MED20: variants seen among roughly 807,000 people sequenced by gnomAD.
MED20 encodes the protein mediator complex subunit 20.
MED20 carries 19 observed loss-of-function variants against 19.7 expected under a neutral mutation model. That is an observed-to-expected ratio of 0.96 (90% CI 0.67 to 1.42). The LOEUF is 1.42. Among genes scored for constraint, MED20 ranks in the 40% most tolerant of loss-of-function variants. The pLI is 0.00. For synonymous variants in MED20, 105 were observed against 104.8 expected, an observed-to-expected ratio of 1.00 and a Z score of -0.01; for missense variants, 225 against 273.0, an observed-to-expected ratio of 0.82 and a Z score of 1.24.
At chr6:41,918,441 T>C (rs1017622828) in intron 1 of MED20, among the ~76,000 whole-genome samples, 7 of 147,222 alleles carry the variant, frequency 4.8e-5, no homozygotes, top group Non-Finnish European at 1.0e-4. Context: ...GAGGCGGAGG[T>C]TGCAGTGAGC....
chr6:41,911,296 G>A (rs1401688696), intron 2 of MED20, among the ~76,000 whole-genome samples: 1 of 151,642 alleles, frequency 6.6e-6, no homozygotes, highest in South Asian at 2.1e-4. Context: ...GATTATAGGT[G>A]TGAGCCACCA....
chr6:41,910,135 G>A (rs1036981575), intron 2 of MED20, among the ~76,000 whole-genome samples: 9 of 152,234 alleles, frequency 5.9e-5, no homozygotes, highest in Admixed American at 3.3e-4. Flanking sequence ...ATGGCAAACC[G>A]TTGGAGAATT....
chr6:41,908,555 T>C (rs1775111809), intron 3 of MED20, among the ~76,000 whole-genome samples: 1 of 152,188 alleles, frequency 6.6e-6, no homozygotes, highest in Admixed American at 6.5e-5. Context: ...TCTTAAAGCA[T>C]ACTAAGGAAA....
chr6:41,915,869 A>C (rs1336572073), intron 2 of MED20, among the ~76,000 whole-genome samples: 1 of 152,156 alleles, frequency 6.6e-6, no homozygotes. Flanking sequence ...TTTTGGTGAT[A>C]GTATCATAGG....
At chr6:41,911,024 G>A (rs1007555214) in intron 2 of MED20, among the ~76,000 whole-genome samples, 6 of 150,054 alleles carry the variant, frequency 4.0e-5, no homozygotes, top group South Asian at 2.1e-4. Flanking sequence ...CAGGAGAAGC[G>A]CTTGAACCCA....
chr6:41,912,647 G>A (rs538757512), intron 2 of MED20, among the ~76,000 whole-genome samples: 3 of 152,088 alleles, frequency 2.0e-5, no homozygotes, highest in African/African-American at 2.4e-5. Context: ...ATGAGCCACC[G>A]CGCCCAGACG....
intron 2 of MED20, among the ~76,000 whole-genome samples, chr6:41,914,653 A>G (rs1382153511): frequency 1.3e-5 from 2 of 151,898 alleles, no homozygotes; most frequent in African/African-American, 4.8e-5. Context: ...CAGGAGTTAG[A>G]GCTTGCAGTG....
At chr6:41,909,849 CCA>C (rs1192984005) in intron 2 of MED20, among the ~76,000 whole-genome samples, 1 of 152,140 alleles carries the variant, frequency 6.6e-6, no homozygotes, top group Non-Finnish European at 1.5e-5. Flanking sequence ...AGTCTAACTC[CCA>C]CAGACTTTAC....
intron 2 of MED20, among the ~76,000 whole-genome samples, chr6:41,916,346 G>A (rs752123563): frequency 1.4e-4 from 21 of 152,148 alleles, no homozygotes; most frequent in Non-Finnish European, 2.8e-4. Flanking sequence ...TTGGGAGGCC[G>A]AGGTGGGCAG....
chr6:41,917,636 G>C, intron 1 of MED20: 1 of 399,048 alleles, frequency 2.5e-6, no homozygotes, highest in African/African-American at 2.1e-5. Context: ...TCCTATCACA[G>C]GGCGTTCTCA....
chr6:41,912,044 CCTTTT>C (rs1346527626), intron 2 of MED20, among the ~76,000 whole-genome samples: 24 of 150,616 alleles, frequency 1.6e-4, no homozygotes, highest in South Asian at 2.1e-4. Context: ...ATAACATTTT[CCTTTT>C]CTTCTTTTTT....
chr6:41,917,047 G>T, intron 1 of MED20, 108 bp from the exon 2 acceptor site: 1 of 1,168,166 alleles, frequency 8.6e-7, no homozygotes, highest in Non-Finnish European at 1.2e-6. Context: ...AAGTTATCTT[G>T]GAAATTACCT....
intron 2 of MED20, among the ~76,000 whole-genome samples, chr6:41,909,930 A>C (rs1242082948): frequency 1.3e-5 from 2 of 152,180 alleles, no homozygotes; most frequent in Admixed American, 6.5e-5. Flanking sequence ...GGGCATGCCA[A>C]AGGAAGTAGC....
intron 2 of MED20, among the ~76,000 whole-genome samples, chr6:41,914,305 G>C (rs193296351): frequency 6.6e-6 from 1 of 152,200 alleles, no homozygotes; most frequent in Non-Finnish European, 1.5e-5. Context: ...GGAACACTGT[G>C]GGCTTCCTTT....
chr6:41,920,263 C>T (rs947638868), intron 1 of MED20, among the ~76,000 whole-genome samples: 2 of 152,182 alleles, frequency 1.3e-5, no homozygotes, highest in Non-Finnish European at 2.9e-5. Context: ...TCCTTATTAT[C>T]AATACCCTTT....
intron 2 of MED20, 37 bp from the exon 3 acceptor site, chr6:41,909,559 T>C: frequency 6.2e-7 from 1 of 1,604,538 alleles, no homozygotes; most frequent in Non-Finnish European, 8.5e-7. Context: ...CATCAAGACT[T>C]TCACTGGCAA....
At chr6:41,916,179 C>T (rs984643773) in intron 2 of MED20, among the ~76,000 whole-genome samples, 12 of 151,016 alleles carry the variant, frequency 7.9e-5, no homozygotes, top group African/African-American at 1.9e-4. Flanking sequence ...GCCCAAGGGT[C>T]GAGGCTGCAG....
chr6:41,906,090 A>G lies in MED20; in HGVS notation c.*982T>C, dbSNP rs958974364. 1 of 152,380 alleles carries G rather than the reference A, an allele frequency of 6.6e-6. No homozygotes were observed. The highest frequency in any genetic ancestry group is 1.5e-5 in the Non-Finnish European group (1 of 68,040). 9.4% of individuals were successfully genotyped at this position (152,380 alleles called of 1,614,324 possible). On this transcript the variant is annotated 3_prime_UTR_variant, in exon 4 of 4. Transcript: ENST00000265350. ...CATCTCAGCAACCAAATTGTCTTTC[A>G]TCTTGTAGTCACAGAATCCCTGAGT...
rs1775022471 is a variant in MED20 at position 41,905,436 on chromosome 6, G to A, written c.*1636C>T. 1 of 152,072 alleles carries A rather than the reference G, an allele frequency of 6.6e-6. No homozygotes were observed. The highest frequency in any genetic ancestry group is 1.5e-5 in the Non-Finnish European group (1 of 68,018). The allele number at this position is 152,072 out of a possible 1,614,324, so 9.4% of individuals were successfully genotyped here. A position where few individuals can be genotyped will look rare whatever the true frequency, so the allele number is the denominator to read the frequency against. On this transcript the variant is annotated 3_prime_UTR_variant, in exon 4 of 4. Transcript: ENST00000265350. ...AACCAGAAACAAAATAACAAAAACGGGGTGAGAACAAAAAATACAGATGAC... is the reference window on the plus strand; with the variant it reads ...AACCAGAAACAAAATAACAAAAACGAGGTGAGAACAAAAAATACAGATGAC...
Sources: gnomAD v4.1 joint callset for allele counts (sites outside exome capture counted in the v4.1 genomes callset) on GRCh38, gnomAD v4.1.1 for gene constraint, MANE v1.5 for transcripts, NCBI Gene and HGNC (gene_info 2026-07-23, HGNC 2026-07-21) for gene names.